Variants in ANXA8 observed in about 807,000 individuals in gnomAD.
ANXA8 encodes the protein VAC-beta.
ANXA8 carries 9 observed loss-of-function variants against 26.8 expected under a neutral mutation model. The observed-to-expected ratio is 0.34, with a 90% CI of 0.20 to 0.59. The LOEUF (loss-of-function observed/expected upper bound fraction) is 0.59, where lower values mean the gene tolerates loss of function less well. Among genes scored for constraint, ANXA8 ranks in the 20% least tolerant of loss-of-function variants. ANXA8 has a pLI of 0.84. For missense variants in ANXA8, 83 were observed against 238.5 expected (o/e 0.35, Z 4.29); for synonymous variants, 39 against 94.8 (o/e 0.41, Z 3.42).
chr10:47,682,098 G>A, the ANXA8 span, among the ~76,000 whole-genome samples: 3 of 149,502 alleles, frequency 2.0e-5, no homozygotes, highest in South Asian at 6.3e-4. Flanking sequence ...CCTCATTTGA[G>A]TCTTACCTCA....
At chr10:47,723,721 G>T in the ANXA8 span, among the ~76,000 whole-genome samples, 1 of 131,436 alleles carries the variant, frequency 7.6e-6, no homozygotes. Context: ...AGCTGTTTTC[G>T]TATTTGTACT....
At chr10:47,685,560 T>C in the ANXA8 span, among the ~76,000 whole-genome samples, 10 of 151,768 alleles carry the variant, frequency 6.6e-5, no homozygotes. Context: ...CTATCAAATA[T>C]AGTAATGCTA....
the ANXA8 span, among the ~76,000 whole-genome samples, chr10:47,748,860 TTCCTC>T: frequency 6.8e-6 from 1 of 147,070 alleles, no homozygotes; most frequent in Non-Finnish European, 1.5e-5. Context: ...CATTCTGAAG[TTCCTC>T]AAAGAAAAAA....
the ANXA8 span, among the ~76,000 whole-genome samples, chr10:47,570,509 G>C: frequency 6.7e-6 from 1 of 150,028 alleles, no homozygotes; most frequent in Non-Finnish European, 1.5e-5. Context: ...ATGGTGGCTG[G>C]TGCTTGTAAT....
chr10:47,552,534 C>T, the ANXA8 span, among the ~76,000 whole-genome samples: 1 of 152,074 alleles, frequency 6.6e-6, no homozygotes, highest in African/African-American at 2.4e-5. Context: ...TAAATTACAG[C>T]TCATCTACAT....
the ANXA8 span, among the ~76,000 whole-genome samples, chr10:47,982,835 A>ATAT: frequency 7.0e-4 from 9 of 12,786 alleles, no homozygotes; most frequent in African/African-American, 1.5e-3. Context: ...TATATATATA[A>ATAT]AATTTGATAA....
At chr10:47,558,804 G>A in the ANXA8 span, among the ~76,000 whole-genome samples, 2 of 151,714 alleles carry the variant, frequency 1.3e-5, no homozygotes, top group East Asian at 3.9e-4. Context: ...TGTTGGTCCT[G>A]TTCACCTTCA....
chr10:47,515,508 G>A, the ANXA8 span, among the ~76,000 whole-genome samples: 1 of 40,346 alleles, frequency 2.5e-5, no homozygotes, highest in African/African-American at 1.0e-4. Flanking sequence ...AAAAAAAAAA[G>A]CCAGCAAGGT....
the ANXA8 span, chr10:47,973,202 T>C: frequency 1.3e-5 from 2 of 150,522 alleles, no homozygotes; most frequent in Admixed American, 6.7e-5. Context: ...TTTTTTCTTA[T>C]GCTTTAGCAG....
At chr10:47,671,575 G>A in the ANXA8 span, among the ~76,000 whole-genome samples, 2 of 151,642 alleles carry the variant, frequency 1.3e-5, no homozygotes, top group African/African-American at 2.4e-5. Flanking sequence ...AGTTTTTTTC[G>A]TGAATTATTT....
the ANXA8 span, among the ~76,000 whole-genome samples, chr10:47,920,149 C>T: frequency 1.7e-5 from 1 of 58,448 alleles, no homozygotes; most frequent in Non-Finnish European, 3.0e-5. Context: ...AGAAATCTTC[C>T]TGCCTTCGAG....
At chr10:47,590,305 G>C in the ANXA8 span, 3 of 146,278 alleles carry the variant, frequency 2.1e-5, no homozygotes, top group Non-Finnish European at 4.4e-5. Context: ...GAGCATCACG[G>C]CAACTGAGCT....
the ANXA8 span, among the ~76,000 whole-genome samples, chr10:47,496,977 A>G: frequency 1.4e-5 from 2 of 146,392 alleles, no homozygotes; most frequent in Non-Finnish European, 3.0e-5. Flanking sequence ...GAAAGATCTT[A>G]GGAGAAATAC....
At chr10:47,972,611 A>C in the ANXA8 span, among the ~76,000 whole-genome samples, 1 of 103,346 alleles carries the variant, frequency 9.7e-6, no homozygotes, top group Non-Finnish European at 2.1e-5. Flanking sequence ...AGGGTGAGCC[A>C]TTTTTTCAGC....
chr10:47,733,205 CTTTCTTTCTT>C, the ANXA8 span, among the ~76,000 whole-genome samples: 6 of 78,690 alleles, frequency 7.6e-5, no homozygotes, highest in African/African-American at 2.0e-4. Context: ...TTCTTTCTTT[CTTTCTTTCTT>C]TCTTTCTCTT....
At chr10:47,488,712 AATTTTTTTTTTTT>A (rs1565823503), upstream of ANXA8, among the ~76,000 whole-genome samples, 3 of 95,978 alleles carry the variant, frequency 3.1e-5, no homozygotes, top group Admixed American at 3.7e-4. Context: ...TTACATGTTA[AATTTTTTTTTTTT>A]TTTTTTTTTT....
chr10:47,699,314 A>T, the ANXA8 span, among the ~76,000 whole-genome samples: 1 of 136,974 alleles, frequency 7.3e-6, no homozygotes, highest in African/African-American at 2.8e-5. Flanking sequence ...ACTGCACTGC[A>T]GCCTGAGGGA....
chr10:47,535,382 A>T, the ANXA8 span, among the ~76,000 whole-genome samples: 109 of 130,980 alleles, frequency 8.3e-4, 2 homozygotes, highest in Non-Finnish European at 8.9e-4. Flanking sequence ...CTTAGTGCAG[A>T]CATTTTGTCT....
At chr10:47,483,558 G>T (rs2132436998) in intron 1 of ANXA8, among the ~76,000 whole-genome samples, 1 of 138,712 alleles carries the variant, frequency 7.2e-6, no homozygotes, top group East Asian at 2.4e-4. Flanking sequence ...ACACGTGTGT[G>T]CACCCCATAC....
Sources: allele counts gnomAD v4.1 joint callset (sites outside exome capture counted in the v4.1 genomes callset), GRCh38; gene constraint gnomAD v4.1.1; transcripts MANE v1.5; gene names NCBI Gene and HGNC (gene_info 2026-07-23, HGNC 2026-07-21).